The following TRPM7 variants were observed in gnomAD, a reference collection of about 807,000 sequenced individuals.
The protein encoded by TRPM7 is LTRPC ion channel family member 7.
A neutral mutation model predicts 229.7 loss-of-function variants in TRPM7; 134 were observed. The observed-to-expected ratio is 0.58, with a 90% CI of 0.51 to 0.67. TRPM7 has a LOEUF of 0.67. TRPM7 is among the 30% of genes least tolerant of loss of function. The pLI is 0.00. For synonymous variants in TRPM7, 699 were observed against 715.2 expected (o/e 0.98, Z 0.36); for missense variants, 1,901 against 2,210.0 (o/e 0.86, Z 2.80).
chr15:50,651,673 G>C (rs1292843337), intron 3 of TRPM7, among the ~76,000 whole-genome samples: 1 of 151,846 alleles, frequency 6.6e-6, no homozygotes, highest in Non-Finnish European at 1.5e-5. Flanking sequence ...AGAAGACTGT[G>C]GGAAAAGAAT....
In TRPM7 at chr15:50,609,571, A is replaced by T; in HGVS notation, c.2580+10T>A. The T allele has an allele frequency of 6.3e-7, 1 of 1,595,362 alleles. No homozygotes were observed. Among genetic ancestry groups the T allele is most frequent in the Non-Finnish European group, 8.5e-7 (1 of 1,174,428 alleles). On this transcript the variant is annotated intron_variant, in intron 19 of 38. Coordinates refer to ENST00000646667, the MANE Select transcript of TRPM7 (RefSeq NM_017672.6). ...TAAAAACATTATGCTTGTGTAATTT[A>T]AAAACATACCGTGTTAAACCAGAAT... is the stretch of plus-strand genomic sequence containing the variant.
Position 50,580,900 on chromosome 15 carries a change from TA to T in TRPM7, c.4565del (p.Leu1522TyrfsTer17). On this transcript the variant is annotated frameshift_variant, in exon 30 of 39. Coordinates refer to ENST00000646667, the MANE Select transcript of TRPM7 (RefSeq NM_017672.6). LOFTEE classifies it high-confidence loss of function. The part of the protein sequence containing the change: ...DSKAALIPDW[L>X]QDRPSNREMP... ...TTTCTCTGTTTGATGGTCTATCTTG[TA>T]ACCAATCCTTCAGTAAAAAAAAAAC... The T allele has an allele frequency of 6.3e-7, 1 of 1,583,418 alleles. No homozygotes were observed.
At chr15:50,648,539 T>C (rs942076291) in intron 4 of TRPM7, 148 bp downstream of exon 4, 2 of 555,502 alleles carry the variant, frequency 3.6e-6, no homozygotes, top group East Asian at 6.4e-5. Flanking sequence ...ACCAGAAAGA[T>C]ACAATTCTAT....
At chr15:50,618,996 A>C (rs762278736) in intron 13 of TRPM7, among the ~76,000 whole-genome samples, 1 of 152,210 alleles carries the variant, frequency 6.6e-6, no homozygotes, top group South Asian at 2.1e-4. Flanking sequence ...TAAAGGGGAG[A>C]GAGTTTTCAG....
At position 50,599,147 on chromosome 15, in the gene TRPM7, A is replaced by G. The variant is rs1566981074; in HGVS notation, c.3138T>C (p.Gly1046=). ...CATCAATTTCGTATGCATAAACTTCACCAAAAATCATCCAGTATGGGTGAA... is the reference window on the plus strand; with the variant it reads ...CATCAATTTCGTATGCATAAACTTCGCCAAAAATCATCCAGTATGGGTGAA... ...IVFHPYWMIF[G]EVYAYEIDVC... Residue 1046 remains glycine, a synonymous_variant, in exon 22 of 39, where the codon GGT becomes GGC. Transcript: ENST00000646667. The G allele has an allele frequency of 6.2e-7, 1 of 1,610,116 alleles. No individual in the cohort carries two copies. The highest frequency in any genetic ancestry group is 2.2e-5 in the East Asian group (1 of 44,766).
At chr15:50,633,567 G>T (rs911092400) in intron 8 of TRPM7, among the ~76,000 whole-genome samples, 1 of 152,034 alleles carries the variant, frequency 6.6e-6, no homozygotes, top group Non-Finnish European at 1.5e-5. Flanking sequence ...TATATAAAAA[G>T]TGGCACAATA....
At chr15:50,644,732 G>A (rs1234767352) in intron 4 of TRPM7, among the ~76,000 whole-genome samples, 1 of 149,726 alleles carries the variant, frequency 6.7e-6, no homozygotes, top group Non-Finnish European at 1.5e-5. Flanking sequence ...AGGAGGCAGA[G>A]GTTCCAGGGA....
intron 3 of TRPM7, among the ~76,000 whole-genome samples, chr15:50,652,900 G>A (rs2061464338): frequency 1.3e-5 from 2 of 152,150 alleles, no homozygotes; most frequent in African/African-American, 2.4e-5. Flanking sequence ...ACTGGCTCGT[G>A]CCTGTAATCC....
At chr15:50,607,931 T>C (rs147731802) in intron 19 of TRPM7, among the ~76,000 whole-genome samples, 2,040 of 148,742 alleles carry the variant, frequency 0.014, 46 homozygotes, top group African/African-American at 0.049. Context: ...GGTGCATGCC[T>C]GCAATTCCAG....
chr15:50,570,462 A>G (rs1418551587), intron 36 of TRPM7, among the ~76,000 whole-genome samples: 5 of 152,198 alleles, frequency 3.3e-5, no homozygotes, highest in African/African-American at 1.2e-4. Flanking sequence ...CCTTACTTGT[A>G]AAAGGTCTGG....
intron 38 of TRPM7, among the ~76,000 whole-genome samples, chr15:50,563,845 T>A (rs1165852016): frequency 6.6e-6 from 1 of 152,172 alleles, no homozygotes; most frequent in African/African-American, 2.4e-5. Flanking sequence ...CAGTGTATTT[T>A]ATGTGTAGCC....
At chr15:50,584,724 G>A (rs76891562) in intron 28 of TRPM7, among the ~76,000 whole-genome samples, 3,431 of 151,586 alleles carry the variant, frequency 0.023, 115 homozygotes, top group African/African-American at 0.078. Context: ...CTTTCAGTCA[G>A]TACTCAAAAA....
At chr15:50,619,521 C>T (rs536423063) in intron 13 of TRPM7, among the ~76,000 whole-genome samples, 32 of 152,128 alleles carry the variant, frequency 2.1e-4, no homozygotes, top group South Asian at 2.1e-4. Context: ...CCATGCCCAG[C>T]CTTGGTCTTA....
Position 50,648,817 on chromosome 15 carries a change from T to C in TRPM7, c.191A>G (p.Asp64Gly), listed in dbSNP as rs752664195. Residue 64 changes from aspartate to glycine, a missense_variant, in exon 4 of 39, where the codon GAT becomes GGT. Asp to Gly is a moderately conservative substitution (Grantham distance 94). Around this residue, in one of 8 missense-constraint regions of TRPM7, gnomAD observed 794 missense variants for 881.9 expected, o/e 0.90. Coordinates refer to ENST00000646667, the MANE Select transcript of TRPM7 (RefSeq NM_017672.6). ...ATTAAAATGGTCACCCAATTTCACA[T>C]CTGAGTATTTCATGGCAAGACTTGC... is the stretch of plus-strand genomic sequence containing the variant. Reference protein sequence around the residue: ...FTASLAMKYSDVKLGDHFNQA... With the variant: ...FTASLAMKYSGVKLGDHFNQA... 1.2e-6 allele frequency: 2 copies of C among 1,613,222 alleles called. No individual in the cohort carries two copies. The highest frequency in any genetic ancestry group is 2.2e-5 in the South Asian group (2 of 90,950).
chr15:50,610,008 C>T, intron 17 of TRPM7, 47 bp from the exon 18 acceptor site: 1 of 1,281,122 alleles, frequency 7.8e-7, no homozygotes, highest in Middle Eastern at 1.9e-4. Flanking sequence ...TAATGACCTT[C>T]AAGAATATAA....
At chr15:50,634,841 T>G (rs2060841586) in intron 7 of TRPM7, among the ~76,000 whole-genome samples, 1 of 152,126 alleles carries the variant, frequency 6.6e-6, no homozygotes, top group Non-Finnish European at 1.5e-5. Flanking sequence ...AGCAAATAAT[T>G]TATATATTCA....
At chr15:50,653,898 T>C (rs536975430) in intron 3 of TRPM7, among the ~76,000 whole-genome samples, 2 of 152,102 alleles carry the variant, frequency 1.3e-5, no homozygotes, top group African/African-American at 2.4e-5. Context: ...CTGGAAGACA[T>C]AGCAGTTTTA....
intron 1 of TRPM7, among the ~76,000 whole-genome samples, chr15:50,676,000 C>T (rs1342824397): frequency 6.6e-6 from 1 of 152,166 alleles, no homozygotes; most frequent in African/African-American, 2.4e-5. Context: ...ACAGTACTTA[C>T]TCACAATGTT....
At chr15:50,645,006 A>G (rs1006856769) in intron 4 of TRPM7, among the ~76,000 whole-genome samples, 1 of 150,964 alleles carries the variant, frequency 6.6e-6, no homozygotes, top group Non-Finnish European at 1.5e-5. Context: ...GGCTCAAGCC[A>G]TCCTCCCACC....
Sources: gnomAD v4.1 joint callset for allele counts (sites outside exome capture counted in the v4.1 genomes callset) on GRCh38, gnomAD v4.1.1 for gene constraint, gnomAD v4.1.1 regional missense constraint, MANE v1.5 for transcripts, NCBI Gene and HGNC (gene_info 2026-07-23, HGNC 2026-07-21) for gene names.